Variants in NLGN4X observed in about 807,000 individuals in gnomAD.
The protein encoded by NLGN4X is neuroligin-4, X-linked.
NLGN4X carries 3 observed loss-of-function variants against 40.3 expected under a neutral mutation model. The observed-to-expected ratio is 0.07, with a 90% CI of 0.03 to 0.19. The LOEUF (loss-of-function observed/expected upper bound fraction) is 0.19, where lower values mean the gene tolerates loss of function less well. Among genes scored for constraint, NLGN4X ranks in the 10% least tolerant of loss-of-function variants. The pLI is 1.00. For synonymous variants in NLGN4X, 270 were observed against 306.8 expected (o/e 0.88, Z 1.25); for missense variants, 382 against 708.3 (o/e 0.54, Z 5.23).
At position 5,974,260 on chromosome X, in the gene NLGN4X, C is replaced by T. The variant is rs778646541; in HGVS notation, c.625+55020G>A. Among the ~76,000 whole-genome samples the T allele has an allele frequency of 9.8e-5, 11 of 112,068 alleles. No homozygotes were observed. In the East Asian group the frequency reaches 1.1e-3, roughly 11 times the overall value. On this transcript the variant is annotated intron_variant, in intron 3 of 5. Transcript: ENST00000381095. ...AACTTTCAAAACAAACAAAAACAAA[C>T]GCTTCACTGAAATGAAACATCATTC...
intron 5 of NLGN4X, among the ~76,000 whole-genome samples, chrX:5,898,051 TC>T (rs1450530860): frequency 1.0e-5 from 1 of 99,348 alleles, no homozygotes; most frequent in African/African-American, 3.7e-5. Flanking sequence ...CTCCATTTTT[TC>T]CTTCCTTCCC....
chrX:6,086,684 T>C (rs1009851764), intron 2 of NLGN4X, among the ~76,000 whole-genome samples: 1 of 111,386 alleles, frequency 9.0e-6, no homozygotes, highest in Non-Finnish European at 1.9e-5. Flanking sequence ...CAGGCTGGAG[T>C]GTAGTGGTGT....
intron 1 of NLGN4X, among the ~76,000 whole-genome samples, chrX:6,195,742 G>C (rs1214176530): frequency 9.0e-6 from 1 of 111,392 alleles, no homozygotes; most frequent in Non-Finnish European, 1.9e-5. Context: ...CATTGTATCT[G>C]ACTGGCTATA....
chrX:5,971,172 C>T (rs1457139326), intron 3 of NLGN4X, among the ~76,000 whole-genome samples: 2 of 111,592 alleles, frequency 1.8e-5, no homozygotes, highest in Non-Finnish European at 3.8e-5. Context: ...CAGAGTTTCT[C>T]AGGAAAGGAA....
At chrX:5,992,385 C>T (rs1366254471) in intron 3 of NLGN4X, among the ~76,000 whole-genome samples, 6 of 111,411 alleles carry the variant, frequency 5.4e-5, no homozygotes, top group East Asian at 2.8e-4. Context: ...GCAGGAGGAC[C>T]GCTTGAGGTC....
At chrX:5,983,631 C>T (rs2035451083) in intron 3 of NLGN4X, among the ~76,000 whole-genome samples, 1 of 111,349 alleles carries the variant, frequency 9.0e-6, no homozygotes, top group African/African-American at 3.3e-5. Context: ...CAGAGAGTAT[C>T]GTGGAAATCT....
intron 3 of NLGN4X, among the ~76,000 whole-genome samples, chrX:5,998,833 T>C (rs1404657175): frequency 8.9e-6 from 1 of 112,759 alleles, no homozygotes; most frequent in Non-Finnish European, 1.9e-5. Context: ...GGTGCATGTT[T>C]TCAAAACTTT....
At chrX:6,175,655 G>GAAAAAAAAAAAA (rs3045369) in intron 1 of NLGN4X, among the ~76,000 whole-genome samples, 32 of 60,973 alleles carry the variant, frequency 5.2e-4, no homozygotes, top group African/African-American at 1.3e-3. Context: ...ATCTATTACA[G>GAAAAAAAAAAAA]AAAAAAAAAA....
intron 2 of NLGN4X, among the ~76,000 whole-genome samples, chrX:6,055,093 C>T (rs937102835): frequency 8.9e-6 from 1 of 112,170 alleles, no homozygotes; most frequent in Middle Eastern, 4.7e-3. Context: ...TGCCAGCAAC[C>T]GTAGTTCAGG....
intron 3 of NLGN4X, among the ~76,000 whole-genome samples, chrX:5,912,169 CATT>C (rs202222084): frequency 0.017 from 1,878 of 111,919 alleles, 43 homozygotes; most frequent in African/African-American, 0.056. Flanking sequence ...CAGGTTATCT[CATT>C]ACCCAGGTAA....
chrX:5,897,475 A>G (rs1366175752), intron 5 of NLGN4X, among the ~76,000 whole-genome samples: 1 of 111,501 alleles, frequency 9.0e-6, no homozygotes, highest in Non-Finnish European at 1.9e-5. Flanking sequence ...ATTTCCAAAA[A>G]CGGTCTCAAT....
At chrX:6,008,770 T>C (rs1234001402) in intron 3 of NLGN4X, among the ~76,000 whole-genome samples, 2 of 111,918 alleles carry the variant, frequency 1.8e-5, no homozygotes, top group Non-Finnish European at 3.8e-5. Context: ...TGTCCAACTG[T>C]CCCCACCATC....
intron 2 of NLGN4X, among the ~76,000 whole-genome samples, chrX:6,088,193 C>T (rs576259292): frequency 1.2e-4 from 13 of 112,716 alleles, no homozygotes; most frequent in African/African-American, 3.9e-4. Flanking sequence ...TTGTCATGCT[C>T]CATGCATGGA....
intron 3 of NLGN4X, among the ~76,000 whole-genome samples, chrX:6,025,716 C>T (rs763410293): frequency 1.8e-5 from 2 of 109,760 alleles, no homozygotes; most frequent in African/African-American, 3.3e-5. Context: ...CCAGCCTGGC[C>T]AAAATGGCAA....
At position 5,903,766 on chromosome X, in the gene NLGN4X, G is replaced by C; in HGVS notation, c.912C>G (p.Val304=). ...AKYTRILADK[V]GCNMLDTTDM... is the part of the protein sequence containing the mutation. ...CCGTGGTGTCCAGCATGTTGCAGCC[G>C]ACCTTGTCTGCCAATATCCGAGTGT... The change falls in exon 5 of 6, where the codon GTC becomes GTG. Residue 304 remains valine (V), a synonymous_variant. Transcript: ENST00000381095. The C allele has an allele frequency of 5.8e-6, 7 of 1,211,751 alleles. No individual in the cohort carries two copies. Among genetic ancestry groups the C allele is most frequent in the Non-Finnish European group, 7.8e-6 (7 of 895,546 alleles).
intron 2 of NLGN4X, among the ~76,000 whole-genome samples, chrX:6,032,083 A>G (rs1422706721): frequency 1.1e-5 from 1 of 90,892 alleles, no homozygotes; most frequent in African/African-American, 4.2e-5. Flanking sequence ...AAATGCTGTA[A>G]AAGGCAGTCC....
chrX:6,147,755 G>A (rs2040080780), intron 2 of NLGN4X, among the ~76,000 whole-genome samples: 1 of 111,314 alleles, frequency 9.0e-6, no homozygotes, highest in Non-Finnish European at 1.9e-5. Flanking sequence ...AATGGCCCAC[G>A]TGTCCTACTA....
At chrX:6,114,177 T>C (rs749714392) in intron 2 of NLGN4X, among the ~76,000 whole-genome samples, 1 of 111,728 alleles carries the variant, frequency 9.0e-6, no homozygotes, top group South Asian at 3.8e-4. Context: ...TTCTCTGGGT[T>C]TCTTCTACTC....
intron 2 of NLGN4X, among the ~76,000 whole-genome samples, chrX:6,120,557 A>C (rs1035144907): frequency 1.8e-5 from 2 of 111,979 alleles, no homozygotes; most frequent in African/African-American, 6.5e-5. Context: ...GGTAGGTGTT[A>C]TTCTTAGTCC....
Sources: allele counts gnomAD v4.1 joint callset (sites outside exome capture counted in the v4.1 genomes callset), GRCh38; gene constraint gnomAD v4.1.1; transcripts MANE v1.5; gene names NCBI Gene and HGNC (gene_info 2026-07-23, HGNC 2026-07-21).